Variants in SHQ1 observed in about 807,000 individuals in gnomAD.
The protein encoded by SHQ1 is SHQ1, H/ACA ribonucleoprotein assembly factor.
Under a neutral mutation model 53.8 loss-of-function variants are expected in SHQ1, and 49 were observed. That is an observed-to-expected ratio of 0.91 (90% CI 0.72 to 1.16). The LOEUF (loss-of-function observed/expected upper bound fraction) is 1.16, where lower values mean the gene tolerates loss of function less well. Among genes scored for constraint, SHQ1 ranks in the 50% most tolerant of loss-of-function variants. SHQ1 has a pLI of 0.00. For missense variants in SHQ1, 738 were observed against 683.1 expected (o/e 1.08, Z -0.90); for synonymous variants, 243 against 251.0 (o/e 0.97, Z 0.30).
At chr3:72,741,661 C>T in the SHQ1 span, among the ~76,000 whole-genome samples, 2 of 151,862 alleles carry the variant, frequency 1.3e-5, no homozygotes, top group Non-Finnish European at 2.9e-5. Context: ...CCTAGCACAG[C>T]GCTTGGCTTC....
At position 72,753,467 on chromosome 3, in the gene SHQ1, G is replaced by A. The variant is rs1575673481; in HGVS notation, c.1182-2631C>T. On this transcript the variant is annotated intron_variant, in intron 10 of 10. Coordinates refer to ENST00000325599, the MANE Select transcript of SHQ1 (RefSeq NM_018130.3). ...ACAATAATGAGATTGTGCAGGGATT[G>A]CCCCCCACCCCCCACAACCCCTGCT... 5 of 985,258 alleles carry A rather than the reference G, an allele frequency of 5.1e-6. No individual in the cohort carries two copies. The South Asian group carries it at 1.4e-4, about 28-fold the overall frequency. 61.0% of individuals were successfully genotyped at this position (985,258 alleles called of 1,614,324 possible).
chr3:72,828,789 G>A (rs1272386269), intron 5 of SHQ1, among the ~76,000 whole-genome samples: 1 of 152,190 alleles, frequency 6.6e-6, no homozygotes, highest in Non-Finnish European at 1.5e-5. Flanking sequence ...AGTGGCAAAA[G>A]TGAAGCTACA....
chr3:72,812,347 C>T (rs1174933662), intron 9 of SHQ1, among the ~76,000 whole-genome samples: 2 of 152,174 alleles, frequency 1.3e-5, no homozygotes, highest in African/African-American at 4.8e-5. Context: ...CCCACAGTCC[C>T]ACCATAGAGC....
Position 72,750,705 on chromosome 3 carries a change from G to T in SHQ1, c.1313C>A (p.Ala438Glu). 1 of 1,582,504 alleles carries T rather than the reference G, an allele frequency of 6.3e-7. No homozygotes were observed. Among genetic ancestry groups the T allele is most frequent in the South Asian group, 1.1e-5 (1 of 87,912 alleles). The change falls in exon 11 of 11, where the codon GCA (alanine) becomes GAA (glutamate). Residue 438 changes from alanine (A) to glutamate (E), a missense_variant. Ala to Glu is a moderately radical substitution (Grantham distance 107). Coordinates refer to ENST00000325599, the MANE Select transcript of SHQ1 (RefSeq NM_018130.3). Reference protein sequence around the residue: ...LVQEEETALKAAHSVSGQQTL... With the variant: ...LVQEEETALKEAHSVSGQQTL... Reference sequence around the variant, plus strand: ...CTGCTGCCCAGAAACTGAATGGGCTGCTTTTAATGCAGTTTCTTCCTCCTG... The same window carrying T: ...CTGCTGCCCAGAAACTGAATGGGCTTCTTTTAATGCAGTTTCTTCCTCCTG...
At chr3:72,782,777 A>T (rs1052148923) in intron 10 of SHQ1, among the ~76,000 whole-genome samples, 7 of 152,244 alleles carry the variant, frequency 4.6e-5, no homozygotes, top group African/African-American at 1.7e-4. Context: ...CCATTGAAAG[A>T]ATGCTCTTGA....
intron 10 of SHQ1, among the ~76,000 whole-genome samples, chr3:72,765,555 A>ATTTTT (rs1171352955): frequency 4.5e-4 from 32 of 71,722 alleles, no homozygotes; most frequent in African/African-American, 2.1e-3. Flanking sequence ...ATATATATAT[A>ATTTTT]TATTTTTTTT....
At chr3:72,744,834 G>A (rs1240551917), downstream of SHQ1, among the ~76,000 whole-genome samples, 2 of 147,376 alleles carry the variant, frequency 1.4e-5, no homozygotes, top group South Asian at 2.2e-4. Flanking sequence ...GGAGACCCCT[G>A]ACCAAACAAT....
At chr3:72,748,519 C>T (rs997704603), downstream of SHQ1, among the ~76,000 whole-genome samples, 5 of 151,718 alleles carry the variant, frequency 3.3e-5, no homozygotes, top group East Asian at 1.9e-4. Context: ...GGCAAAACCC[C>T]GTCTCTACCA....
chr3:72,785,635 CA>C (rs1450157292), intron 10 of SHQ1, among the ~76,000 whole-genome samples: 1 of 152,122 alleles, frequency 6.6e-6, no homozygotes, highest in Admixed American at 6.5e-5. Context: ...GATCCAAATG[CA>C]AAAAGCCTCA....
At chr3:72,814,149 A>G (rs1396406492) in intron 8 of SHQ1, among the ~76,000 whole-genome samples, 1 of 152,234 alleles carries the variant, frequency 6.6e-6, no homozygotes, top group Non-Finnish European at 1.5e-5. Flanking sequence ...TTAGTATTTG[A>G]CATAATTTAA....
intron 10 of SHQ1, among the ~76,000 whole-genome samples, chr3:72,779,506 T>A (rs1706029819): frequency 6.6e-6 from 1 of 152,198 alleles, no homozygotes; most frequent in Non-Finnish European, 1.5e-5. Context: ...ATGCAAGTAT[T>A]TGATTAATAC....
intron 10 of SHQ1, among the ~76,000 whole-genome samples, chr3:72,790,164 G>A (rs1706391523): frequency 6.6e-6 from 1 of 150,826 alleles, no homozygotes; most frequent in African/African-American, 2.5e-5. Context: ...GAGAGGCCAG[G>A]AGCTTCAGTT....
At chr3:72,746,129 C>T (rs931110101), downstream of SHQ1, among the ~76,000 whole-genome samples, 1 of 152,178 alleles carries the variant, frequency 6.6e-6, no homozygotes, top group African/African-American at 2.4e-5. Context: ...AGACATGAGC[C>T]ATCGCGCCCA....
intron 10 of SHQ1, among the ~76,000 whole-genome samples, chr3:72,778,475 GAAAAA>G (rs1219842637): frequency 6.7e-6 from 1 of 149,984 alleles, no homozygotes; most frequent in African/African-American, 2.5e-5. Context: ...GAAAAGAAAA[GAAAAA>G]AAAGAAATCA....
intron 4 of SHQ1, among the ~76,000 whole-genome samples, chr3:72,840,839 G>A (rs981082598): frequency 6.6e-6 from 1 of 152,186 alleles, no homozygotes; most frequent in African/African-American, 2.4e-5. Context: ...GCCACGGGGT[G>A]TCTGTAAGAG....
the SHQ1 span, among the ~76,000 whole-genome samples, chr3:72,728,310 C>G: frequency 3.3e-5 from 5 of 152,166 alleles, no homozygotes; most frequent in African/African-American, 1.2e-4. Flanking sequence ...GGCAAGCAAC[C>G]CTTTCCTGTC....
intron 4 of SHQ1, among the ~76,000 whole-genome samples, chr3:72,833,085 G>A (rs1469447981): frequency 6.6e-6 from 1 of 152,122 alleles, no homozygotes; most frequent in Non-Finnish European, 1.5e-5. Flanking sequence ...TTTCCTTTGA[G>A]TGCCATGTTT....
chr3:72,792,782 C>T (rs1706478657), intron 10 of SHQ1, 134 bp downstream of exon 10: 1 of 614,340 alleles, frequency 1.6e-6, no homozygotes, highest in Admixed American at 4.3e-5. Flanking sequence ...AAACCTCCAT[C>T]TCAAAAAAAA....
At chr3:72,848,133 AT>A in intron 1 of SHQ1, 64 bp downstream of exon 1, 1 of 1,596,150 alleles carries the variant, frequency 6.3e-7, no homozygotes, top group Non-Finnish European at 8.6e-7. Flanking sequence ...TCGACCTTGC[AT>A]TCTCCCTCTA....
Sources: gnomAD v4.1 joint callset for allele counts (sites outside exome capture counted in the v4.1 genomes callset) on GRCh38, gnomAD v4.1.1 for gene constraint, MANE v1.5 for transcripts, NCBI Gene and HGNC (gene_info 2026-07-23, HGNC 2026-07-21) for gene names.